DNAJB13: variants seen among roughly 807,000 people sequenced by gnomAD.
DNAJB13 encodes DnaJ heat shock protein family (Hsp40) member B13.
DNAJB13 carries 22 observed loss-of-function variants against 35.6 expected under a neutral mutation model. That is an observed-to-expected ratio of 0.62 (90% confidence interval 0.44 to 0.88). DNAJB13 has a LOEUF of 0.88. DNAJB13 is among the 40% of genes least tolerant of loss of function. The probability of loss-of-function intolerance (pLI) is 0.00; values close to 1 mark genes in which losing one functional copy is unlikely to be tolerated. For synonymous variants in DNAJB13, 136 were observed against 144.2 expected, an observed-to-expected ratio of 0.94 and a Z score of 0.41; for missense variants, 370 against 384.3, an observed-to-expected ratio of 0.96 and a Z score of 0.31.
chr11:73,959,445 T>G, intron 2 of DNAJB13, 49 bp from the exon 3 acceptor site: 1 of 1,581,664 alleles, frequency 6.3e-7, no homozygotes, highest in Non-Finnish European at 8.6e-7. Context: ...CCTCCACCTA[T>G]CTCAGCCCCC....
At chr11:73,968,823 C>T (rs991227171) in intron 6 of DNAJB13, among the ~76,000 whole-genome samples, 19 of 152,130 alleles carry the variant, frequency 1.2e-4, no homozygotes, top group African/African-American at 2.9e-4. Context: ...GCCCCTTCGC[C>T]GCATAGCACC....
intron 3 of DNAJB13, 86 bp from the exon 4 acceptor site, chr11:73,964,792 T>TGG (rs1951037392): frequency 1.1e-6 from 1 of 916,992 alleles, no homozygotes. Context: ...TGTGTGTGTG[T>TGG]GTGTGTGTGT....
chr11:73,954,651 T>A (rs866196883), intron 1 of DNAJB13, among the ~76,000 whole-genome samples: 1,345 of 130,824 alleles, frequency 0.01, 11 homozygotes, highest in Non-Finnish European at 0.013. Context: ...ATAAAATAAA[T>A]AAATAAATAA....
rs10793069 is a variant in DNAJB13 at position 73,958,289 on chromosome 11, A to C, written c.69-28A>C. The C allele has an allele frequency of 0.4, 647,604 of 1,609,168 alleles. 132,913 individuals are homozygous for C. The highest frequency in any genetic ancestry group is 0.54 in the African/African-American group (40,651 of 74,862). On this transcript the variant is annotated intron_variant, in intron 1 of 7. Transcript: ENST00000339764. ...GCCCTCAGAAACAGACCAGCTGATA[A>C]GACTTGTATTAATTCTCCCTCTTCC... is the stretch of plus-strand genomic sequence containing the variant.
At position 73,970,117 on chromosome 11, in the gene DNAJB13, G is replaced by C. The variant is rs745987534; in HGVS notation, c.*3G>C. On this transcript the variant is annotated 3_prime_UTR_variant, in exon 8 of 8. Coordinates refer to ENST00000339764, the MANE Select transcript of DNAJB13 (RefSeq NM_153614.4). ...TGCGCCAGGCATTGCTGACATGACT[G>C]TGGTGGGCTGGAGCAGGGGTGAGAG... 7 of 1,597,380 alleles carry C rather than the reference G, an allele frequency of 4.4e-6. No individual in the cohort carries two copies. Among genetic ancestry groups the C allele is most frequent in the Non-Finnish European group, 5.1e-6 (6 of 1,170,698 alleles).
At position 73,970,040 on chromosome 11, in the gene DNAJB13, T is replaced by A. The variant is rs1951237357; in HGVS notation, c.877T>A (p.Phe293Ile). ...DPTKKGDLFI[F>I]FDIQFPTRLT... ...CACTAAGAAAGGGGATCTCTTCATC[T>A]TCTTCGACATCCAGTTCCCCACCCG... Residue 293 changes from phenylalanine (F) to isoleucine (I), a missense_variant, in exon 8 of 8, where the codon TTC (phenylalanine) becomes ATC (isoleucine). Phe to Ile is a conservative substitution (Grantham distance 21, BLOSUM62 0). Coordinates refer to ENST00000339764, the MANE Select transcript of DNAJB13 (RefSeq NM_153614.4). 1 of 1,611,800 alleles carries A rather than the reference T, an allele frequency of 6.2e-7. No homozygotes were observed. The highest frequency in any genetic ancestry group is 8.5e-7 in the Non-Finnish European group (1 of 1,178,856).
rs1591211002 is a variant in DNAJB13 at position 73,969,299 on chromosome 11, C to T, written c.774C>T (p.Asn258=). The change falls in exon 7 of 8, where the codon AAC becomes AAT. Residue 258 remains asparagine (N), a synonymous_variant. Transcript: ENST00000339764. ...EVRTLDDRLL[N]IPINDIIHPK... ...GGACCCTAGATGACCGTCTGCTCAA[C>T]ATCCCCATCAATGACATCATCCAGT... 1 of 872,812 alleles carries T rather than the reference C, an allele frequency of 1.1e-6. No individual in the cohort carries two copies. Among genetic ancestry groups the T allele is most frequent in the Non-Finnish European group, 2.0e-6 (1 of 501,590 alleles). The allele number at this position is 872,812 out of a possible 1,614,324, so 54.1% of individuals were successfully genotyped here.
chr11:73,966,343 T>G, intron 5 of DNAJB13, 92 bp downstream of exon 5: 1 of 1,214,978 alleles, frequency 8.2e-7, no homozygotes, highest in Non-Finnish European at 1.2e-6. Context: ...GCAATACTTT[T>G]TCCTGCCCCT....
Position 73,969,041 on chromosome 11 carries a change from A to T in DNAJB13, c.721-205A>T, listed in dbSNP as rs78189778. On this transcript the variant is annotated intron_variant, in intron 6 of 7. Transcript: ENST00000339764. ...CTGTCTCCATCATTACATTTATACA[A>T]CATCCATCTTACCTGCCAGATCCAT... Among the ~76,000 whole-genome samples the T allele has an allele frequency of 8.5e-3, 1,289 of 152,216 alleles. 22 individuals are homozygous for T. The highest frequency in any genetic ancestry group is 0.029 in the African/African-American group (1,191 of 41,532).
Position 73,951,144 on chromosome 11 carries a change from T to C in DNAJB13, c.68+7T>C. 2 of 1,613,998 alleles carry C rather than the reference T, an allele frequency of 1.2e-6. No individual in the cohort carries two copies. Among genetic ancestry groups the C allele is most frequent in the Non-Finnish European group, 1.7e-6 (2 of 1,179,976 alleles). ...ATGCCCAGATCAAGCAGGCGTAAGT[T>C]GGGGTGGGAGCCAGGCCTTAGGGGT... On this transcript the variant is annotated splice_region_variant and intron_variant, in intron 1 of 7. Transcript: ENST00000339764.
intron 4 of DNAJB13, 130 bp downstream of exon 4, chr11:73,965,165 C>G (rs1028413622): frequency 3.8e-6 from 4 of 1,053,750 alleles, no homozygotes; most frequent in Non-Finnish European, 4.0e-6. Context: ...GATTCAGAGA[C>G]CTAGGATGTT....
At chr11:73,965,680 G>C (rs566887464) in intron 4 of DNAJB13, 1 of 167,378 alleles carries the variant, frequency 6.0e-6, no homozygotes, top group East Asian at 1.6e-4. Context: ...AATGCACTGG[G>C]GGAGGCTTAG....
intron 3 of DNAJB13, among the ~76,000 whole-genome samples, chr11:73,963,203 G>A (rs1950981537): frequency 6.6e-6 from 1 of 152,032 alleles, no homozygotes; most frequent in African/African-American, 2.4e-5. Flanking sequence ...AACAAAGCCA[G>A]GCACAGTGGT....
chr11:73,964,811 G>GTT, intron 3 of DNAJB13, 67 bp from the exon 4 acceptor site: 1 of 1,324,926 alleles, frequency 7.5e-7, no homozygotes, highest in Non-Finnish European at 1.0e-6. Flanking sequence ...GTGTGTGTGT[G>GTT]TGCGCGCGCG....
At chr11:73,958,264 G>A in intron 1 of DNAJB13, 53 bp from the exon 2 acceptor site, 2 of 1,581,922 alleles carry the variant, frequency 1.3e-6, no homozygotes, top group South Asian at 1.1e-5. Context: ...ACTCTGGTCC[G>A]CCCTCAGAAA....
intron 3 of DNAJB13, among the ~76,000 whole-genome samples, chr11:73,963,450 G>GT (rs1407033189): frequency 6.6e-6 from 1 of 152,212 alleles, no homozygotes; most frequent in Admixed American, 6.5e-5. Context: ...AAGGAGCCAA[G>GT]TGAGTCTACA....
rs539106269 is a variant in DNAJB13 at position 73,958,331 on chromosome 11, C to A, written c.83C>A (p.Ala28Asp). 8 of 1,614,060 alleles carry A rather than the reference C, an allele frequency of 5.0e-6. No homozygotes were observed. The highest frequency in any genetic ancestry group is 5.9e-6 in the Non-Finnish European group (7 of 1,180,042). Residue 28 changes from alanine to aspartate, a missense_variant, in exon 2 of 8, where the codon GCC (alanine) becomes GAC (aspartate). Coordinates refer to ENST00000339764, the MANE Select transcript of DNAJB13 (RefSeq NM_153614.4). The part of the protein sequence containing the change: ...AQIKQAYRRL[A>D]LKHHPLKSNE... ...CCCTCTTCCAGGTACCGCAGACTCG[C>A]CCTTAAGCACCACCCGTTGAAGTCA...
At chr11:73,954,309 G>C (rs953628800) in intron 1 of DNAJB13, among the ~76,000 whole-genome samples, 68 of 150,712 alleles carry the variant, frequency 4.5e-4, no homozygotes, top group African/African-American at 1.4e-3. Flanking sequence ...CTGGGTGACA[G>C]AGTGAGACTT....
chr11:73,952,789 A>T (rs1950619982), intron 1 of DNAJB13, among the ~76,000 whole-genome samples: 1 of 152,216 alleles, frequency 6.6e-6, no homozygotes, highest in Admixed American at 6.5e-5. Flanking sequence ...GACCTGGGCA[A>T]ATTACTTAAC....
Sources: allele counts gnomAD v4.1 joint callset (sites outside exome capture counted in the v4.1 genomes callset), GRCh38; gene constraint gnomAD v4.1.1; transcripts MANE v1.5; gene names NCBI Gene and HGNC (gene_info 2026-07-23, HGNC 2026-07-21).